Variants in NINL observed in about 807,000 individuals in gnomAD.
NINL encodes ninein like.
Under a neutral mutation model 160.3 loss-of-function variants are expected in NINL, and 153 were observed. The ratio of observed to expected loss-of-function variants is 0.95; its 90% confidence interval spans 0.84 to 1.09. The LOEUF (loss-of-function observed/expected upper bound fraction) is 1.09. Among genes scored for constraint, NINL ranks in the 50% least tolerant of loss-of-function variants. The pLI, the probability that NINL is intolerant of heterozygous loss-of-function variation, is 0.00. For synonymous variants in NINL, 800 were observed against 734.8 expected (o/e 1.09, Z -1.43); for missense variants, 1,829 against 1,764.0 (o/e 1.04, Z -0.66).
chr20:25,560,957 GCTCTCCCTCTCC>G (rs1315601263), intron 1 of NINL, among the ~76,000 whole-genome samples: 1 of 150,220 alleles, frequency 6.7e-6, no homozygotes, highest in African/African-American at 2.5e-5. Flanking sequence ...AAGTTCTTCA[GCTCTCCCTCTCC>G]CTCTCCCTCT....
intron 1 of NINL, among the ~76,000 whole-genome samples, chr20:25,575,570 G>C (rs1317060947): frequency 1.3e-5 from 2 of 151,964 alleles, no homozygotes; most frequent in African/African-American, 4.8e-5. Flanking sequence ...GGCCAACATG[G>C]TGAAACCCCG....
At chr20:25,458,343 C>A (rs1286693217) in intron 22 of NINL, 40 bp downstream of exon 22, 1 of 1,601,972 alleles carries the variant, frequency 6.2e-7, no homozygotes, top group African/African-American at 1.3e-5. Flanking sequence ...TCACCCTCCT[C>A]CTCATCTCGT....
rs770872364 is a variant in NINL at position 25,489,194 on chromosome 20, G to A, written c.1677+50C>T. ...TTACTGTGGACCACCTGCGTGTGGA[G>A]ACCCAGAGCCTGGACATGAGACTAA... On this transcript the variant is annotated intron_variant, in intron 13 of 23. Coordinates refer to ENST00000278886, the MANE Select transcript of NINL (RefSeq NM_025176.6). 1.7e-5 allele frequency: 27 copies of A among 1,553,010 alleles called. No individual in the cohort carries two copies. The East Asian group carries it at 2.5e-4, about 14-fold the overall frequency.
intron 1 of NINL, among the ~76,000 whole-genome samples, chr20:25,558,785 C>T (rs2064898885): frequency 2.0e-5 from 3 of 152,224 alleles, no homozygotes; most frequent in Non-Finnish European, 4.4e-5. Flanking sequence ...CAGGCAGAGG[C>T]ACAGAGTACC....
At position 25,510,694 on chromosome 20, in the gene NINL, T is replaced by C. The variant is rs1462132746; in HGVS notation, c.497A>G (p.Asn166Ser). Residue 166 changes from asparagine (N) to serine (S), a missense_variant, in exon 5 of 24, where the codon AAT (asparagine) becomes AGT (serine). By Grantham distance (46) the Asn-to-Ser change is conservative. Transcript: ENST00000278886. ...EEAESTKEAQ[N>S]ELFEAQGQLQ... Reference sequence around the variant, plus strand: ...TTTACCTTGTGCTTCAAATAATTCATTCTGAGCTTCTTTAGTGCTCTCGGC... The same window carrying C: ...TTTACCTTGTGCTTCAAATAATTCACTCTGAGCTTCTTTAGTGCTCTCGGC... The C allele has an allele frequency of 3.1e-6, 5 of 1,613,854 alleles. No homozygotes were observed. The highest frequency in any genetic ancestry group is 1.3e-5 in the African/African-American group (1 of 74,938).
chr20:25,455,536 G>T, intron 23 of NINL, 137 bp downstream of exon 23: 1 of 666,088 alleles, frequency 1.5e-6, no homozygotes, highest in South Asian at 1.8e-5. Flanking sequence ...TGCACCTGCA[G>T]TGTAGGGTAT....
At chr20:25,555,047 T>A (rs1272115085) in intron 1 of NINL, among the ~76,000 whole-genome samples, 2 of 152,084 alleles carry the variant, frequency 1.3e-5, no homozygotes, top group African/African-American at 4.8e-5. Flanking sequence ...ACAACCTGAG[T>A]CGAGATCACA....
chr20:25,549,673 G>A (rs934395613), intron 1 of NINL, among the ~76,000 whole-genome samples: 3 of 152,310 alleles, frequency 2.0e-5, no homozygotes, highest in Non-Finnish European at 2.9e-5. Context: ...GCCTGAGGTC[G>A]TGCAGCACAA....
intron 1 of NINL, among the ~76,000 whole-genome samples, chr20:25,551,406 TAGAAAAGAA>T: frequency 6.7e-6 from 1 of 150,100 alleles, no homozygotes; most frequent in South Asian, 2.1e-4. Context: ...AAAGAAAAGA[TAGAAAAGAA>T]AATATGAACC....
At chr20:25,581,340 G>C (rs2065173110) in intron 1 of NINL, among the ~76,000 whole-genome samples, 1 of 152,088 alleles carries the variant, frequency 6.6e-6, no homozygotes, top group Non-Finnish European at 1.5e-5. Flanking sequence ...TACTCAGGAA[G>C]CTGAGACAAG....
intron 19 of NINL, 100 bp downstream of exon 19, chr20:25,467,289 A>C: frequency 9.3e-7 from 1 of 1,079,130 alleles, no homozygotes; most frequent in East Asian, 2.4e-5. Flanking sequence ...AGTCTTTTAG[A>C]AGAATATTCT....
At position 25,467,467 on chromosome 20, in the gene NINL, GAAGCAC is replaced by G. The variant is rs752510003; in HGVS notation, c.3354-15_3354-10del. The G allele has an allele frequency of 3.1e-6, 5 of 1,611,252 alleles. No homozygotes were observed. The South Asian group carries it at 5.5e-5, about 18-fold the overall frequency. ...AAACCTCAATTTCCTTCCTGTTGAA[GAAGCAC>G]AATTAACAGTGATACCACTTGTGAC... On this transcript the variant is annotated splice_polypyrimidine_tract_variant and intron_variant, in intron 18 of 23. Transcript: ENST00000278886.
rs748357291 is a variant in NINL at position 25,491,511 on chromosome 20, C to T, written c.1325G>A (p.Gly442Glu). 3.7e-6 allele frequency: 6 copies of T among 1,613,846 alleles called. No homozygotes were observed. Among genetic ancestry groups the T allele is most frequent in the Non-Finnish European group, 5.1e-6 (6 of 1,179,882 alleles). The change falls in exon 11 of 24, where the codon GGG (glycine) becomes GAG (glutamate). Residue 442 changes from glycine to glutamate, a missense_variant. Transcript: ENST00000278886. ...TEKKIKHLEQ[G>E]YRERLSLLRS... Reference sequence around the variant, plus strand: ...CAGGAGGCTCAGCCTTTCCCGGTACCCCTGCTCCAGATGCCTGTAACATGT... The same window carrying T: ...CAGGAGGCTCAGCCTTTCCCGGTACTCCTGCTCCAGATGCCTGTAACATGT...
chr20:25,509,566 T>A (rs1264160437), intron 5 of NINL: 6 of 434,700 alleles, frequency 1.4e-5, no homozygotes, highest in African/African-American at 1.2e-4. Context: ...GATGCTCAGA[T>A]TATGCCAAGC....
chr20:25,546,163 G>GTCAATC (rs879351475), intron 1 of NINL, among the ~76,000 whole-genome samples: 9 of 152,050 alleles, frequency 5.9e-5, no homozygotes, highest in Non-Finnish European at 1.3e-4. Flanking sequence ...CCAGGCCACG[G>GTCAATC]TCAATCATAC....
chr20:25,583,677 A>G (rs1251040514), intron 1 of NINL, among the ~76,000 whole-genome samples: 1 of 152,252 alleles, frequency 6.6e-6, no homozygotes, highest in Non-Finnish European at 1.5e-5. Context: ...ATAAACGTGT[A>G]TGTTTATTGC....
intron 17 of NINL, among the ~76,000 whole-genome samples, chr20:25,474,062 T>G (rs1222321961): frequency 6.6e-6 from 1 of 152,218 alleles, no homozygotes; most frequent in Non-Finnish European, 1.5e-5. Context: ...CTGCTCGTTC[T>G]CTGACTGTAG....
At chr20:25,509,553 A>C (rs1248067642) in intron 5 of NINL, 1 of 417,362 alleles carries the variant, frequency 2.4e-6, no homozygotes, top group African/African-American at 2.1e-5. Flanking sequence ...CTCTGAGAGG[A>C]GGGATGCTCA....
At chr20:25,504,506 C>T (rs2063925745) in intron 6 of NINL, among the ~76,000 whole-genome samples, 1 of 152,196 alleles carries the variant, frequency 6.6e-6, no homozygotes, top group African/African-American at 2.4e-5. Context: ...GGAGAAGGAA[C>T]ATGGCCACTG....
Sources: gnomAD v4.1 joint callset for allele counts (sites outside exome capture counted in the v4.1 genomes callset) on GRCh38, gnomAD v4.1.1 for gene constraint, MANE v1.5 for transcripts, NCBI Gene and HGNC (gene_info 2026-07-23, HGNC 2026-07-21) for gene names.